HMG20A: variants seen among roughly 807,000 people sequenced by gnomAD.
HMG20A encodes the protein high mobility group 20A.
A neutral mutation model predicts 43.9 loss-of-function variants in HMG20A; 17 were observed. The ratio of observed to expected loss-of-function variants is 0.39; its 90% CI spans 0.27 to 0.58. The LOEUF is 0.58. Among genes scored for constraint, HMG20A ranks in the 20% least tolerant of loss-of-function variants. The probability of loss-of-function intolerance (pLI) is 0.59; values close to 1 mark genes in which losing one functional copy is unlikely to be tolerated. For synonymous variants in HMG20A, 132 were observed against 147.5 expected (o/e 0.89, Z 0.76); for missense variants, 341 against 438.2 (o/e 0.78, Z 1.98).
At chr15:77,489,936 G>A (rs911544443), downstream of HMG20A, among the ~76,000 whole-genome samples, 8 of 151,614 alleles carry the variant, frequency 5.3e-5, no homozygotes, top group Non-Finnish European at 1.2e-4. Context: ...GTAATGTGAA[G>A]AGAGTTCTAC....
intron 2 of HMG20A, among the ~76,000 whole-genome samples, chr15:77,462,463 A>T (rs1284826053): frequency 1.3e-5 from 2 of 152,106 alleles, no homozygotes; most frequent in South Asian, 4.1e-4. Context: ...TCCATGGGCT[A>T]ATGCTTCTCG....
intron 1 of HMG20A, among the ~76,000 whole-genome samples, chr15:77,447,553 T>G (rs188157508): frequency 8.8e-4 from 134 of 152,322 alleles, no homozygotes; most frequent in Middle Eastern, 3.4e-3. Context: ...GATCTAGTAC[T>G]TCTGTGGTTT....
At chr15:77,438,137 A>ATTTTT (rs34192592) in intron 1 of HMG20A, among the ~76,000 whole-genome samples, 9 of 113,428 alleles carry the variant, frequency 7.9e-5, no homozygotes, top group African/African-American at 2.7e-4. Flanking sequence ...TTTAGTTTTA[A>ATTTTT]TTTTTTTTTT....
At chr15:77,508,528 G>A in the HMG20A span, among the ~76,000 whole-genome samples, 1 of 152,176 alleles carries the variant, frequency 6.6e-6, no homozygotes, top group Non-Finnish European at 1.5e-5. Flanking sequence ...AAGTGTACGC[G>A]GCTGGTCAGT....
At chr15:77,481,213 G>A (rs1343382567) in intron 9 of HMG20A, among the ~76,000 whole-genome samples, 1 of 152,184 alleles carries the variant, frequency 6.6e-6, no homozygotes, top group Admixed American at 6.5e-5. Flanking sequence ...GCCATGCTCT[G>A]ATGGGGAAAG....
chr15:77,453,318 C>T (rs565750259), intron 1 of HMG20A, among the ~76,000 whole-genome samples: 2 of 152,134 alleles, frequency 1.3e-5, no homozygotes, highest in East Asian at 1.9e-4. Flanking sequence ...GCACAATATG[C>T]ATAAGAAAAA....
intron 2 of HMG20A, among the ~76,000 whole-genome samples, chr15:77,460,918 G>A (rs751341296): frequency 2.6e-5 from 4 of 152,080 alleles, no homozygotes; most frequent in Non-Finnish European, 4.4e-5. Context: ...CCCAGGTGGC[G>A]GAAGTTGCAG....
intron 2 of HMG20A, among the ~76,000 whole-genome samples, chr15:77,463,027 C>A (rs2072720013): frequency 6.6e-6 from 1 of 152,148 alleles, no homozygotes; most frequent in Non-Finnish European, 1.5e-5. Flanking sequence ...CTGCCTTGGC[C>A]TCCCAAAGTG....
Position 77,479,315 on chromosome 15 carries a change from G to C in HMG20A, c.1044G>C (p.Ter348TyrextTer11). 2 of 1,613,654 alleles carry C rather than the reference G, an allele frequency of 1.2e-6. No individual in the cohort carries two copies. Among genetic ancestry groups the C allele is most frequent in the Non-Finnish European group, 1.7e-6 (2 of 1,179,872 alleles). ...VREVVNRLDR[*>Y] ...AAGTTGTGAACAGACTCGATCGTTA[G>C]GGAATGGTGAGTGCTCACTGATAAA... The change falls in exon 9 of 10, where the codon TAG becomes TAC. Residue 348 changes from the stop codon to tyrosine (Y), a stop_lost. Coordinates refer to ENST00000336216, the MANE Select transcript of HMG20A (RefSeq NM_001304504.2).
intron 2 of HMG20A, among the ~76,000 whole-genome samples, chr15:77,460,940 C>T (rs548523561): frequency 1.3e-5 from 2 of 152,026 alleles, no homozygotes; most frequent in South Asian, 2.1e-4. Flanking sequence ...GAGCTGTGAT[C>T]GTGCCACTGC....
At chr15:77,504,958 TG>T in the HMG20A span, among the ~76,000 whole-genome samples, 1 of 152,166 alleles carries the variant, frequency 6.6e-6, no homozygotes, top group East Asian at 1.9e-4. Flanking sequence ...TTAGCGTCCT[TG>T]GGGGTGCCTG....
intron 1 of HMG20A, among the ~76,000 whole-genome samples, chr15:77,448,446 C>T (rs2073699315): frequency 6.6e-6 from 1 of 152,158 alleles, no homozygotes; most frequent in South Asian, 2.1e-4. Context: ...CTTTCATCTC[C>T]TTCTGGTCTT....
chr15:77,487,252 T>C (rs2072950175), downstream of HMG20A, among the ~76,000 whole-genome samples: 1 of 152,224 alleles, frequency 6.6e-6, no homozygotes, highest in Non-Finnish European at 1.5e-5. Context: ...ATATCATTTT[T>C]GCATGGACGT....
chr15:77,447,937 A>G (rs2073693074), intron 1 of HMG20A: 1 of 152,232 alleles, frequency 6.6e-6, no homozygotes. Flanking sequence ...CAAATAGTAT[A>G]TTGTTAGTAC....
chr15:77,437,572 C>CT (rs1352987850), intron 1 of HMG20A, among the ~76,000 whole-genome samples: 6 of 151,552 alleles, frequency 4.0e-5, no homozygotes, highest in East Asian at 3.9e-4. Context: ...TAGATTGAAA[C>CT]TTTTTTTTTG....
chr15:77,438,909 G>T, intron 1 of HMG20A, among the ~76,000 whole-genome samples: 1 of 152,124 alleles, frequency 6.6e-6, no homozygotes, highest in Non-Finnish European at 1.5e-5. Context: ...TCCTGCCTCA[G>T]CCTCCCGAGT....
intron 1 of HMG20A, among the ~76,000 whole-genome samples, chr15:77,435,670 A>G (rs1391718478): frequency 6.6e-6 from 1 of 152,108 alleles, no homozygotes; most frequent in African/African-American, 2.4e-5. Context: ...TTTTCTCTAC[A>G]TTCCCTATAC....
At position 77,477,517 on chromosome 15, in the gene HMG20A, TATTAAGA is replaced by T. The variant is rs773618059; in HGVS notation, c.616-32_616-26del. 4.3e-6 allele frequency: 6 copies of T among 1,396,990 alleles called. No homozygotes were observed. In the East Asian group the frequency reaches 1.4e-4, roughly 32 times the overall value. The allele number at this position is 1,396,990 out of a possible 1,614,324, so 86.5% of individuals were successfully genotyped here. On this transcript the variant is annotated intron_variant, in intron 6 of 9. Coordinates refer to ENST00000336216, the MANE Select transcript of HMG20A (RefSeq NM_001304504.2). ...AGGCACTATTATTTAATTTATCTTC[TATTAAGA>T]ATTAACTGTTTTGTTCCTCTTGATT... is the stretch of plus-strand genomic sequence containing the variant.
At chr15:77,516,399 C>A in the HMG20A span, among the ~76,000 whole-genome samples, 9 of 152,134 alleles carry the variant, frequency 5.9e-5, no homozygotes, top group African/African-American at 2.2e-4. Flanking sequence ...TATCTTGAGT[C>A]CAGGAGTTCA....
Sources: gnomAD v4.1 joint callset for allele counts (sites outside exome capture counted in the v4.1 genomes callset) on GRCh38, gnomAD v4.1.1 for gene constraint, MANE v1.5 for transcripts, NCBI Gene and HGNC (gene_info 2026-07-23, HGNC 2026-07-21) for gene names.